Variants in CNTNAP5 observed in about 807,000 individuals in gnomAD.
CNTNAP5 encodes the protein contactin-associated protein-like 5.
In CNTNAP5, 72 loss-of-function variants were observed where a neutral mutation model predicts 150.2. That is an observed-to-expected ratio of 0.48 (90% CI 0.40 to 0.58). The LOEUF (loss-of-function observed/expected upper bound fraction) is 0.58. CNTNAP5 is among the 20% of genes least tolerant of loss of function. The probability of loss-of-function intolerance (pLI) is 0.00; values close to 1 mark genes in which losing one functional copy is unlikely to be tolerated. For synonymous variants in CNTNAP5, 672 were observed against 619.8 expected (o/e 1.08, Z -1.25); for missense variants, 1,636 against 1,626.2 (o/e 1.01, Z -0.10).
At chr2:124,909,192 T>C (rs1678603182) in intron 22 of CNTNAP5, among the ~76,000 whole-genome samples, 1 of 152,164 alleles carries the variant, frequency 6.6e-6, no homozygotes, top group South Asian at 2.1e-4. Flanking sequence ...TCATGATAAG[T>C]GCCCTGTGCA....
chr2:124,420,281 G>T (rs1692068798), intron 4 of CNTNAP5, among the ~76,000 whole-genome samples: 1 of 151,914 alleles, frequency 6.6e-6, no homozygotes. Flanking sequence ...GAGCTACTGT[G>T]CCCAAGTTTG....
At chr2:124,054,401 C>A (rs535216078) in intron 1 of CNTNAP5, among the ~76,000 whole-genome samples, 2 of 152,214 alleles carry the variant, frequency 1.3e-5, no homozygotes, top group South Asian at 2.1e-4. Context: ...TCCCTAGGCT[C>A]CTAGGGTCCT....
chr2:124,914,283 A>T lies in CNTNAP5; in HGVS notation c.3919A>T (p.Ile1307Phe), dbSNP rs541934958. The change falls in exon 24 of 24, where the codon ATC (isoleucine) becomes TTC (phenylalanine). Residue 1307 changes from isoleucine to phenylalanine, a missense_variant. By Grantham distance (21) the Ile-to-Phe change is conservative. Transcript: ENST00000682447. ...TVSECKREYF[I>F] The stretch of plus-strand genomic sequence containing the variant: ...GAGCGAGTGTAAACGGGAATATTTC[A>T]TCTGAGAAACTGCAGGGTTCCTACT... The T allele has an allele frequency of 6.2e-7, 1 of 1,609,336 alleles. No homozygotes were observed.
At chr2:124,749,650 A>G (rs1397914411) in intron 14 of CNTNAP5, among the ~76,000 whole-genome samples, 2 of 152,180 alleles carry the variant, frequency 1.3e-5, no homozygotes, top group Admixed American at 1.3e-4. Context: ...TCCTGACCTC[A>G]TGATTCTCCT....
chr2:124,810,062 T>C (rs995351404), intron 19 of CNTNAP5, among the ~76,000 whole-genome samples: 3 of 152,222 alleles, frequency 2.0e-5, no homozygotes, highest in Non-Finnish European at 2.9e-5. Context: ...ATCCTATGTT[T>C]AGTCAAATTA....
intron 1 of CNTNAP5, among the ~76,000 whole-genome samples, chr2:124,176,937 T>C (rs1036830647): frequency 6.7e-6 from 1 of 150,218 alleles, no homozygotes; most frequent in Admixed American, 6.7e-5. Context: ...TTCTGCCTCC[T>C]GGGTTCAAGC....
intron 21 of CNTNAP5, among the ~76,000 whole-genome samples, chr2:124,900,293 A>G (rs915338500): frequency 6.6e-6 from 1 of 151,624 alleles, no homozygotes; most frequent in South Asian, 2.1e-4. Context: ...CATACTACAT[A>G]TCAGTTAATG....
intron 19 of CNTNAP5, among the ~76,000 whole-genome samples, chr2:124,863,751 C>T (rs965244736): frequency 6.6e-6 from 1 of 152,140 alleles, no homozygotes; most frequent in African/African-American, 2.4e-5. Context: ...ACCCTCTTGC[C>T]TTACTGGATT....
At chr2:124,402,949 G>T (rs971184933) in intron 3 of CNTNAP5, among the ~76,000 whole-genome samples, 1 of 152,250 alleles carries the variant, frequency 6.6e-6, no homozygotes, top group African/African-American at 2.4e-5. Flanking sequence ...GCGCTGCTCT[G>T]AATAGCAGTT....
intron 3 of CNTNAP5, among the ~76,000 whole-genome samples, chr2:124,364,312 T>C (rs1690307193): frequency 6.6e-6 from 1 of 152,058 alleles, no homozygotes. Context: ...TTAACCCCCC[T>C]TTTATTTCCA....
intron 6 of CNTNAP5, among the ~76,000 whole-genome samples, chr2:124,469,267 C>T (rs1693448974): frequency 6.6e-6 from 1 of 152,108 alleles, no homozygotes; most frequent in South Asian, 2.1e-4. Context: ...ACTCTCCACC[C>T]TGAATATTTT....
intron 12 of CNTNAP5, among the ~76,000 whole-genome samples, chr2:124,613,713 A>T (rs1323669244): frequency 6.6e-6 from 1 of 152,088 alleles, no homozygotes; most frequent in East Asian, 1.9e-4. Flanking sequence ...GTCCTGGGAG[A>T]TGTAAGTCTG....
chr2:124,368,975 TG>T (rs1240248753), intron 3 of CNTNAP5, among the ~76,000 whole-genome samples: 2 of 152,120 alleles, frequency 1.3e-5, no homozygotes, highest in African/African-American at 4.8e-5. Context: ...CATATAAAAT[TG>T]TGGCTTGTTT....
At chr2:124,303,178 C>G (rs1164707571) in intron 3 of CNTNAP5, among the ~76,000 whole-genome samples, 3 of 151,894 alleles carry the variant, frequency 2.0e-5, no homozygotes, top group Non-Finnish European at 4.4e-5. Context: ...TTCATTTTTT[C>G]TAAGCCCTGC....
intron 7 of CNTNAP5, among the ~76,000 whole-genome samples, chr2:124,502,867 T>A (rs1255655612): frequency 6.6e-6 from 1 of 152,144 alleles, no homozygotes; most frequent in Non-Finnish European, 1.5e-5. Context: ...TAGACAAACA[T>A]GGGTTTGTCT....
At chr2:124,126,833 G>A (rs1683716080) in intron 1 of CNTNAP5, among the ~76,000 whole-genome samples, 1 of 152,128 alleles carries the variant, frequency 6.6e-6, no homozygotes, top group African/African-American at 2.4e-5. Flanking sequence ...AATAGATGCA[G>A]AAAAGGCCTT....
chr2:124,177,012 A>T (rs1685082341), intron 1 of CNTNAP5, among the ~76,000 whole-genome samples: 1 of 150,684 alleles, frequency 6.6e-6, no homozygotes, highest in African/African-American at 2.4e-5. Flanking sequence ...TGCCTGGCTA[A>T]TTTTTTTTTA....
At chr2:124,215,925 C>T (rs1686145562) in intron 1 of CNTNAP5, among the ~76,000 whole-genome samples, 1 of 152,112 alleles carries the variant, frequency 6.6e-6, no homozygotes, top group Non-Finnish European at 1.5e-5. Flanking sequence ...ACTAGGGCCA[C>T]CTACAAACAG....
At chr2:124,504,649 G>C (rs1277115207) in intron 8 of CNTNAP5, 93 bp downstream of exon 8, 2 of 1,253,206 alleles carry the variant, frequency 1.6e-6, no homozygotes, top group Non-Finnish European at 2.2e-6. Context: ...CCAAATCTCA[G>C]GGATATGGGT....
Sources: gnomAD v4.1 joint callset for allele counts (sites outside exome capture counted in the v4.1 genomes callset) on GRCh38, gnomAD v4.1.1 for gene constraint, MANE v1.5 for transcripts, NCBI Gene and HGNC (gene_info 2026-07-23, HGNC 2026-07-21) for gene names.